DOK7: variants seen among roughly 807,000 people sequenced by gnomAD.
DOK7 encodes the protein docking protein 7.
A neutral mutation model predicts 30.7 loss-of-function variants in DOK7; 32 were observed. The observed-to-expected ratio is 1.04, with a 90% confidence interval of 0.79 to 1.40. The LOEUF is 1.40. DOK7 is among the 40% of genes most tolerant of loss of function. The pLI, the probability that DOK7 is intolerant of heterozygous loss-of-function variation, is 0.00. For missense variants in DOK7, 1,007 were observed against 699.2 expected, an observed-to-expected ratio of 1.44 and a Z score of -4.97; for synonymous variants, 447 against 324.1, an observed-to-expected ratio of 1.38 and a Z score of -4.07.
In DOK7 at chr4:3,493,021, C is replaced by T; in HGVS notation, c.1035C>T (p.His345=). The T allele has an allele frequency of 6.4e-7, 1 of 1,568,706 alleles. No individual in the cohort carries two copies. The highest frequency in any genetic ancestry group is 8.6e-7 in the Non-Finnish European group (1 of 1,162,036). The change falls in exon 7 of 7, where the codon CAC becomes CAT. Residue 345 remains histidine (H), a synonymous_variant. Coordinates refer to ENST00000340083, the MANE Select transcript of DOK7 (RefSeq NM_173660.5). ...ACAGCGGCATCGCCACTGGCAGCCACTCCTCTTACTCCAGCAGCCTCTCGT... is the reference window on the plus strand; with the variant it reads ...ACAGCGGCATCGCCACTGGCAGCCATTCCTCTTACTCCAGCAGCCTCTCGT... The part of the protein sequence containing the change: ...SSDSGIATGS[H]SSYSSSLSSY...
At chr4:3,463,597 G>A (rs755016013) in intron 2 of DOK7, 46 bp downstream of exon 2, 14 of 1,520,514 alleles carry the variant, frequency 9.2e-6, no homozygotes, top group South Asian at 7.2e-5. Context: ...GTAGCGACAC[G>A]GGTTACCGAG....
chr4:3,489,784 C>G lies in DOK7; in HGVS notation c.760C>G (p.Pro254Ala). The G allele has an allele frequency of 1.9e-6, 3 of 1,574,036 alleles. No individual in the cohort carries two copies. The highest frequency in any genetic ancestry group is 2.6e-6 in the Non-Finnish European group (3 of 1,159,524). The stretch of plus-strand genomic sequence containing the variant: ...GAGCCTCCTCTCACATGCGGGCAGG[C>G]CGGGCAGTGGAGGTAGGGCCGGGGG... The part of the protein sequence containing the change: ...RLSLLSHAGR[P>A]GSGGDDRSLS... The change falls in exon 6 of 7, where the codon CCG becomes GCG. Residue 254 changes from proline to alanine, a missense_variant. Transcript: ENST00000340083.
intron 5 of DOK7, 64 bp downstream of exon 5, chr4:3,485,722 CG>C (rs967143043): frequency 2.9e-5 from 41 of 1,426,338 alleles, no homozygotes; most frequent in Non-Finnish European, 3.8e-5. Flanking sequence ...CGTCCCGGGG[CG>C]GGGGGCCACA....
chr4:3,476,099 C>T (rs1294819242), intron 3 of DOK7, among the ~76,000 whole-genome samples: 2 of 151,804 alleles, frequency 1.3e-5, no homozygotes, highest in Non-Finnish European at 2.9e-5. Context: ...CTCACCCCAC[C>T]TGTCCACAGT....
In DOK7 at chr4:3,492,805, G is replaced by A. The variant is rs891235676; in HGVS notation, c.819G>A (p.Leu273=). The part of the protein sequence containing the change: ...LSSSSSEASH[L]DVSASSRLTA... ...GCTCATCCTCAGAGGCCAGTCACTT[G>A]GACGTCAGCGCCAGCAGCCGGCTCA... The change falls in exon 7 of 7, where the codon TTG becomes TTA. Residue 273 remains leucine (L), a synonymous_variant. Coordinates refer to ENST00000340083, the MANE Select transcript of DOK7 (RefSeq NM_173660.5). 4 of 1,612,742 alleles carry A rather than the reference G, an allele frequency of 2.5e-6. No homozygotes were observed. The highest frequency in any genetic ancestry group is 3.4e-6 in the Non-Finnish European group (4 of 1,179,974).
Position 3,493,613 on chromosome 4 carries a change from C to G in DOK7, c.*112C>G. The G allele has an allele frequency of 6.6e-7, 1 of 1,507,692 alleles. No homozygotes were observed. Among genetic ancestry groups the G allele is most frequent in the African/African-American group, 1.4e-5 (1 of 71,606 alleles). The allele number at this position is 1,507,692 out of a possible 1,614,324, so 93.4% of individuals were successfully genotyped here. ...GGTGCTCTGTGTTCTGTGGGAGGGA[C>G]CGGGGGTCTCCCGGAGAGGGGAGCT... On this transcript the variant is annotated 3_prime_UTR_variant, in exon 7 of 7. Transcript: ENST00000340083.
Position 3,469,284 on chromosome 4 carries a change from C to T in DOK7, c.101-4122C>T, listed in dbSNP as rs139690276. Among the ~76,000 whole-genome samples the T allele has an allele frequency of 4.2e-4, 64 of 152,218 alleles. 3 individuals carry two copies. The East Asian group carries it at 4.6e-3, about 11-fold the overall frequency. ...GCCTTGGCCTCTCCTGGTGCCTCTT[C>T]CTCGTTTGTCTCCTTTCAGCATCAC... is the stretch of plus-strand genomic sequence containing the variant. On this transcript the variant is annotated intron_variant, in intron 2 of 6. Coordinates refer to ENST00000340083, the MANE Select transcript of DOK7 (RefSeq NM_173660.5).
chr4:3,490,864 C>T (rs1247073663), intron 6 of DOK7, among the ~76,000 whole-genome samples: 1 of 102,440 alleles, frequency 9.8e-6, no homozygotes. Context: ...CCACTCATTT[C>T]ATTCCTTCAT....
At chr4:3,489,966 CTCAT>C (rs1258784711) in intron 6 of DOK7, among the ~76,000 whole-genome samples, 170 bp downstream of exon 6, 1 of 141,292 alleles carries the variant, frequency 7.1e-6, no homozygotes, top group African/African-American at 2.9e-5. Context: ...CCGCCCGCTA[CTCAT>C]TCATCCTTCC....
intron 4 of DOK7, among the ~76,000 whole-genome samples, chr4:3,481,243 C>T (rs1055022480): frequency 2.0e-5 from 3 of 152,010 alleles, no homozygotes; most frequent in Non-Finnish European, 4.4e-5. Flanking sequence ...GTTTTATATG[C>T]TAATGTTGAC....
chr4:3,475,916 T>C (rs1433896943), intron 3 of DOK7, among the ~76,000 whole-genome samples: 1 of 152,022 alleles, frequency 6.6e-6, no homozygotes, highest in Non-Finnish European at 1.5e-5. Context: ...TGAACAAAGA[T>C]AGTTCCTGGG....
chr4:3,495,483 C>G (rs542346446), downstream of DOK7, among the ~76,000 whole-genome samples: 2 of 152,364 alleles, frequency 1.3e-5, no homozygotes, highest in South Asian at 4.1e-4. Context: ...CCTGGACAGC[C>G]TTTCCCTGTG....
At chr4:3,485,437 C>A (rs949887733) in intron 4 of DOK7, 102 bp from the exon 5 acceptor site, 3 of 1,365,118 alleles carry the variant, frequency 2.2e-6, no homozygotes, top group Non-Finnish European at 2.9e-6. Context: ...GTGTCATTGT[C>A]GGCTCTTGGT....
downstream of DOK7, among the ~76,000 whole-genome samples, chr4:3,495,045 C>A (rs1317583994): frequency 1.3e-5 from 2 of 152,186 alleles, no homozygotes; most frequent in Non-Finnish European, 2.9e-5. Flanking sequence ...CAAGCGTGGG[C>A]TTTGGGGACT....
intron 2 of DOK7, among the ~76,000 whole-genome samples, chr4:3,468,539 T>TGTGTGTG (rs1491455781): frequency 9.7e-6 from 1 of 102,882 alleles, no homozygotes; most frequent in African/African-American, 4.9e-5. Flanking sequence ...ACTGTGAGTG[T>TGTGTGTG]ATGTGTGTGT....
At chr4:3,487,738 G>A (rs770040392) in intron 5 of DOK7, among the ~76,000 whole-genome samples, 2 of 152,196 alleles carry the variant, frequency 1.3e-5, no homozygotes, top group African/African-American at 4.8e-5. Context: ...GTTACTGGAC[G>A]GGAAATGGTG....
At chr4:3,491,923 G>T (rs1010254911) in intron 6 of DOK7, among the ~76,000 whole-genome samples, 1 of 152,216 alleles carries the variant, frequency 6.6e-6, no homozygotes, top group South Asian at 2.1e-4. Context: ...GTGCTGGTCC[G>T]GCCAGTGCCC....
intron 6 of DOK7, chr4:3,500,244 C>T: frequency 2.0e-6 from 3 of 1,535,212 alleles, no homozygotes; most frequent in Non-Finnish European, 2.6e-6. Context: ...AGCCGCTCCC[C>T]CCACAGGATC....
downstream of DOK7, among the ~76,000 whole-genome samples, chr4:3,497,856 A>C (rs539256784): frequency 6.6e-6 from 1 of 152,212 alleles, no homozygotes; most frequent in South Asian, 2.1e-4. Flanking sequence ...CAGCCACCAG[A>C]CCAGAGGTGG....
Sources: gnomAD v4.1 joint callset for allele counts (sites outside exome capture counted in the v4.1 genomes callset) on GRCh38, gnomAD v4.1.1 for gene constraint, MANE v1.5 for transcripts, NCBI Gene and HGNC (gene_info 2026-07-23, HGNC 2026-07-21) for gene names.